Variants in MARCHF9 observed in about 807,000 individuals in gnomAD.
The protein encoded by MARCHF9 is membrane associated ring-CH-type finger 9.
MARCHF9 carries 17 observed loss-of-function variants against 35.2 expected under a neutral mutation model. The observed-to-expected ratio is 0.48, with a 90% CI of 0.33 to 0.72. The LOEUF (loss-of-function observed/expected upper bound fraction) is 0.72. Among genes scored for constraint, MARCHF9 ranks in the 30% least tolerant of loss-of-function variants. The pLI is 0.02. For synonymous variants in MARCHF9, 183 were observed against 207.4 expected, an observed-to-expected ratio of 0.88 and a Z score of 1.01; for missense variants, 386 against 478.2, an observed-to-expected ratio of 0.81 and a Z score of 1.80.
rs1955282428 is a variant in MARCHF9, at chr12:57,755,749, C to T, written c.221C>T (p.Pro74Leu). The part of the protein sequence containing the change: ...RARGLAGDKE[P>L]RAGPLPPPAP... Reference sequence around the variant, plus strand: ...CGGGGCCTGGCCGGCGACAAGGAGCCGCGGGCCGGACCCCTGCCGCCGCCC... The same window carrying T: ...CGGGGCCTGGCCGGCGACAAGGAGCTGCGGGCCGGACCCCTGCCGCCGCCC... The change falls in exon 1 of 4, where the codon CCG (proline) becomes CTG (leucine). Residue 74 changes from proline to leucine, a missense_variant. Pro to Leu is a moderately conservative substitution (Grantham distance 98). This residue lies in a region of MARCHF9 where 219 missense variants were observed against 316.2 expected (regional missense o/e 0.69). Coordinates refer to ENST00000266643, the MANE Select transcript of MARCHF9 (RefSeq NM_138396.6). 3 of 1,220,922 alleles carry T rather than the reference C, an allele frequency of 2.5e-6. No individual in the cohort carries two copies. In the African/African-American group the frequency reaches 4.8e-5, roughly 19 times the overall value. 75.6% of individuals were successfully genotyped at this position (1,220,922 alleles called of 1,614,324 possible). A position where few individuals can be genotyped will look rare whatever the true frequency, so the allele number is the denominator to read the frequency against.
chr12:57,756,816 A>T, intron 1 of MARCHF9, 113 bp from the exon 2 acceptor site: 1 of 1,162,334 alleles, frequency 8.6e-7, no homozygotes, highest in Non-Finnish European at 1.1e-6. Context: ...GAAAGGCCTG[A>T]GTTATTTAAG....
intron 2 of MARCHF9, 160 bp downstream of exon 2, chr12:57,757,244 C>G (rs1955293163): frequency 1.4e-6 from 1 of 721,216 alleles, no homozygotes; most frequent in East Asian, 3.3e-5. Flanking sequence ...TTCCTAAGCC[C>G]TTAATTTATT....
At position 57,756,005 on chromosome 12, in the gene MARCHF9, G is replaced by A. The variant is rs191160505; in HGVS notation, c.357+120G>A. The A allele has an allele frequency of 1.8e-3, 1,243 of 672,098 alleles. 17 individuals carry two copies. In the African/African-American group the frequency reaches 0.022, roughly 12 times the overall value. The allele number at this position is 672,098 out of a possible 1,614,324, so 41.6% of individuals were successfully genotyped here. Reference sequence around the variant, plus strand: ...GGGCGGGCCCCAGGACACGGAGTGGGAATGGGGTGAGGCCGAGGGGCTGGC... The same window carrying A: ...GGGCGGGCCCCAGGACACGGAGTGGAAATGGGGTGAGGCCGAGGGGCTGGC... On this transcript the variant is annotated intron_variant, in intron 1 of 3. Transcript: ENST00000266643.
At chr12:57,756,110 CA>C (rs1192241158) in intron 1 of MARCHF9, 1 of 295,162 alleles carries the variant, frequency 3.4e-6, no homozygotes, top group Non-Finnish European at 6.4e-6. Flanking sequence ...CCGGAGAGCG[CA>C]AAATCCCTCT....
At position 57,755,611 on chromosome 12, in the gene MARCHF9, C is replaced by A; in HGVS notation, c.83C>A (p.Pro28Gln). 1 of 1,352,470 alleles carries A rather than the reference C, an allele frequency of 7.4e-7. No individual in the cohort carries two copies. The highest frequency in any genetic ancestry group is 1.8e-5 in the South Asian group (1 of 56,340). The allele number at this position is 1,352,470 out of a possible 1,614,324, so 83.8% of individuals were successfully genotyped here. A position where few individuals can be genotyped will look rare whatever the true frequency, so the allele number is the denominator to read the frequency against. ...LTGGGRPRAE[P>Q]QPRGGRGGGC... ...GGCGGGGGGCGGCCCCGGGCCGAGC[C>A]GCAACCCCGGGGGGGCCGGGGAGGC... The change falls in exon 1 of 4, where the codon CCG becomes CAG. Residue 28 changes from proline (P) to glutamine (Q), a missense_variant. Coordinates refer to ENST00000266643, the MANE Select transcript of MARCHF9 (RefSeq NM_138396.6).
intron 2 of MARCHF9, chr12:57,757,763 T>A (rs1310083889): frequency 3.4e-6 from 2 of 591,134 alleles, no homozygotes; most frequent in Non-Finnish European, 6.0e-6. Context: ...AATAATCTTA[T>A]TAGATACTAT....
Position 57,758,968 on chromosome 12 carries a change from TACCAGCTGGACA to T in MARCHF9, c.*73_*84del. On this transcript the variant is annotated 3_prime_UTR_variant, in exon 4 of 4. Transcript: ENST00000266643. The surrounding 1 kb of genome is among the most constrained non-coding windows in gnomAD (Gnocchi z 5.4). ...GAAGAACTCTCATGGCTGCTGGAGGTACCAGCTGGACAAGGTGTTTGGGGCATGCTGCCCCCG... is the reference window on the plus strand; with the variant it reads ...GAAGAACTCTCATGGCTGCTGGAGGTAGGTGTTTGGGGCATGCTGCCCCCG... 1 of 1,392,434 alleles carries T rather than the reference TACCAGCTGGACA, an allele frequency of 7.2e-7. No homozygotes were observed. Among genetic ancestry groups the T allele is most frequent in the Non-Finnish European group, 9.6e-7 (1 of 1,039,302 alleles). The allele number at this position is 1,392,434 out of a possible 1,614,324, so 86.3% of individuals were successfully genotyped here.
Position 57,758,457 on chromosome 12 carries a change from G to A in MARCHF9, c.707-106G>A. On this transcript the variant is annotated intron_variant, in intron 3 of 3. Transcript: ENST00000266643. The surrounding 1 kb of genome is among the most constrained non-coding windows in gnomAD (Gnocchi z 5.4). ...CAACCCACTTCCCTGCTTCTCCAGG[G>A]CCCTTTGCAACTGTATCTTCTCACT... The A allele has an allele frequency of 7.4e-7, 1 of 1,358,724 alleles. No individual in the cohort carries two copies. Among genetic ancestry groups the A allele is most frequent in the Non-Finnish European group, 9.9e-7 (1 of 1,006,980 alleles). 84.2% of individuals were successfully genotyped at this position (1,358,724 alleles called of 1,614,324 possible). A position where few individuals can be genotyped will look rare whatever the true frequency, so the allele number is the denominator to read the frequency against.
In MARCHF9 at chr12:57,759,230, T is replaced by C; in HGVS notation, c.*333T>C. On this transcript the variant is annotated 3_prime_UTR_variant, in exon 4 of 4. Coordinates refer to ENST00000266643, the MANE Select transcript of MARCHF9 (RefSeq NM_138396.6). ...AGCCCCCCAGCTCCACCACGGTGAC[T>C]TGGTGAAGGGGGACCAATGCCAGAA... The C allele has an allele frequency of 3.5e-6, 1 of 288,006 alleles. No homozygotes were observed. Among genetic ancestry groups the C allele is most frequent in the Non-Finnish European group, 6.6e-6 (1 of 151,964 alleles). 17.8% of individuals were successfully genotyped at this position (288,006 alleles called of 1,614,324 possible). A position where few individuals can be genotyped will look rare whatever the true frequency, so the allele number is the denominator to read the frequency against.
intron 1 of MARCHF9, among the ~76,000 whole-genome samples, chr12:57,756,615 C>A (rs903827719): frequency 1.3e-5 from 2 of 152,148 alleles, no homozygotes; most frequent in African/African-American, 4.8e-5. Context: ...TAAGAGGAAG[C>A]CTTTCTTTTG....
Position 57,755,598 on chromosome 12 carries a change from C to T in MARCHF9, c.70C>T (p.Pro24Ser), listed in dbSNP as rs1595113716. The T allele has an allele frequency of 1.5e-6, 2 of 1,362,994 alleles. No homozygotes were observed. Among genetic ancestry groups the T allele is most frequent in the Admixed American group, 3.5e-5 (1 of 28,784 alleles). The allele number at this position is 1,362,994 out of a possible 1,614,324, so 84.4% of individuals were successfully genotyped here. ...KLLVLTGGGR[P>S]RAEPQPRGGR... The stretch of plus-strand genomic sequence containing the variant: ...GCTGGTGCTGACAGGCGGGGGGCGG[C>T]CCCGGGCCGAGCCGCAACCCCGGGG... The change falls in exon 1 of 4, where the codon CCC (proline) becomes TCC (serine). Residue 24 changes from proline (P) to serine (S), a missense_variant. Transcript: ENST00000266643.
rs1352763377 is a variant in MARCHF9 at position 57,757,188 on chromosome 12, A to T, written c.513+104A>T. On this transcript the variant is annotated intron_variant, in intron 2 of 3. Coordinates refer to ENST00000266643, the MANE Select transcript of MARCHF9 (RefSeq NM_138396.6). ...TTTCATTTACTCTTTTCCCAAAGCCACCCTTCCCCGCCAGTTACCACAGTC... is the reference window on the plus strand; with the variant it reads ...TTTCATTTACTCTTTTCCCAAAGCCTCCCTTCCCCGCCAGTTACCACAGTC... The T allele has an allele frequency of 2.4e-6, 3 of 1,258,784 alleles. No individual in the cohort carries two copies. The African/African-American group carries it at 5.7e-5, about 24-fold the overall frequency. 78.0% of individuals were successfully genotyped at this position (1,258,784 alleles called of 1,614,324 possible). A position where few individuals can be genotyped will look rare whatever the true frequency, so the allele number is the denominator to read the frequency against.
Position 57,758,380 on chromosome 12 carries a change from C to T in MARCHF9, c.706+80C>T. ...ACTCCCCTGCCCATCCCCTCAGTTT[C>T]CTGGCTTTATTTTCTGCCACTGTAG... On this transcript the variant is annotated intron_variant, in intron 3 of 3. Coordinates refer to ENST00000266643, the MANE Select transcript of MARCHF9 (RefSeq NM_138396.6). This position sits in a 1 kb window ranked among gnomAD's most constrained non-coding sequence, Gnocchi z 5.4. The T allele has an allele frequency of 1.4e-6, 2 of 1,475,854 alleles. No homozygotes were observed. The highest frequency in any genetic ancestry group is 1.9e-4 in the Middle Eastern group (1 of 5,242). 91.4% of individuals were successfully genotyped at this position (1,475,854 alleles called of 1,614,324 possible).
chr12:57,759,264 C>T lies in MARCHF9; in HGVS notation c.*367C>T, dbSNP rs1955305822. On this transcript the variant is annotated 3_prime_UTR_variant, in exon 4 of 4. Coordinates refer to ENST00000266643, the MANE Select transcript of MARCHF9 (RefSeq NM_138396.6). Reference sequence around the variant, plus strand: ...GGGGACCAATGCCAGAAGAAAGGGGCTGTAGACCCCTATTCCCCACCCCAT... The same window carrying T: ...GGGGACCAATGCCAGAAGAAAGGGGTTGTAGACCCCTATTCCCCACCCCAT... 2 of 233,890 alleles carry T rather than the reference C, an allele frequency of 8.6e-6. No homozygotes were observed. Among genetic ancestry groups the T allele is most frequent in the Non-Finnish European group, 1.7e-5 (2 of 118,124 alleles). 14.5% of individuals were successfully genotyped at this position (233,890 alleles called of 1,614,324 possible).
chr12:57,758,797 GTTATA>G lies in MARCHF9; in HGVS notation c.942_946del (p.Tyr315AsnfsTer75). 2 of 1,613,474 alleles carry G rather than the reference GTTATA, an allele frequency of 1.2e-6. No homozygotes were observed. The highest frequency in any genetic ancestry group is 1.7e-6 in the Non-Finnish European group (2 of 1,179,914). On this transcript the variant is annotated frameshift_variant, in exon 4 of 4. Coordinates refer to ENST00000266643, the MANE Select transcript of MARCHF9 (RefSeq NM_138396.6). LOFTEE classifies it high-confidence loss of function. This position sits in a 1 kb window ranked among gnomAD's most constrained non-coding sequence, Gnocchi z 5.4. ...CGGACGCTCTTGCCTCAGCGCTGCG[GTTATA>G]CAATCTTGCACCTCCTTGGGCAGCT...
intron 1 of MARCHF9, among the ~76,000 whole-genome samples, chr12:57,756,597 C>T (rs1362213620): frequency 6.6e-6 from 1 of 152,142 alleles, no homozygotes; most frequent in Non-Finnish European, 1.5e-5. Flanking sequence ...TCCCCTCCCT[C>T]CAGATCCTAA....
rs1955299125 is a variant in MARCHF9 at position 57,758,262 on chromosome 12, G to T, written c.668G>T (p.Cys223Phe). 1 of 1,613,186 alleles carries T rather than the reference G, an allele frequency of 6.2e-7. No individual in the cohort carries two copies. The highest frequency in any genetic ancestry group is 8.5e-7 in the Non-Finnish European group (1 of 1,179,284). Residue 223 changes from cysteine to phenylalanine, a missense_variant, in exon 3 of 4, where the codon TGC becomes TTC. Cys to Phe is a radical substitution (Grantham distance 205). Coordinates refer to ENST00000266643, the MANE Select transcript of MARCHF9 (RefSeq NM_138396.6). This position sits in a 1 kb window ranked among gnomAD's most constrained non-coding sequence, Gnocchi z 5.4. ...CGACAGGATCTGCTCTTTCAGATCT[G>T]CTACGGCATGTATGGCTTCATGGAT... is the stretch of plus-strand genomic sequence containing the variant. ...WQRQDLLFQI[C>F]YGMYGFMDVV...
At position 57,760,349 on chromosome 12, in the gene MARCHF9, T is replaced by C. The variant is rs1955311570; in HGVS notation, c.*1452T>C. 1 of 152,244 alleles carries C rather than the reference T, an allele frequency of 6.6e-6. No homozygotes were observed. Among genetic ancestry groups the C allele is most frequent in the African/African-American group, 2.4e-5 (1 of 41,468 alleles). The allele number at this position is 152,244 out of a possible 1,614,324, so 9.4% of individuals were successfully genotyped here. ...TTGGGGTTGTGTATTATATGAATGA[T>C]GCTGTTTTTAAGTAAACCATTCAAC... On this transcript the variant is annotated 3_prime_UTR_variant, in exon 4 of 4. Transcript: ENST00000266643.
chr12:57,756,821 T>C (rs1955290347), intron 1 of MARCHF9, 108 bp from the exon 2 acceptor site: 7 of 1,221,994 alleles, frequency 5.7e-6, no homozygotes, highest in Middle Eastern at 6.0e-4. Flanking sequence ...GCCTGAGTTA[T>C]TTAAGGTGGG....
Sources: allele counts gnomAD v4.1 joint callset (sites outside exome capture counted in the v4.1 genomes callset), GRCh38; gene constraint gnomAD v4.1.1; regional missense constraint gnomAD v4.1.1; non-coding constraint Gnocchi (gnomAD v3.1); transcripts MANE v1.5; gene names NCBI Gene and HGNC (gene_info 2026-07-23, HGNC 2026-07-21).